The following IPO5 variants were observed in gnomAD, a reference collection of about 807,000 sequenced individuals.
IPO5 encodes importin 5.
Under a neutral mutation model 143.3 loss-of-function variants are expected in IPO5, and 18 were observed. That is an observed-to-expected ratio of 0.13 (90% CI 0.09 to 0.19). The LOEUF is 0.19. Among genes scored for constraint, IPO5 ranks in the 10% least tolerant of loss-of-function variants. The pLI is 1.00. For synonymous variants in IPO5, 477 were observed against 465.7 expected (o/e 1.02, Z -0.31); for missense variants, 1,013 against 1,336.9 (o/e 0.76, Z 3.78).
intron 2 of IPO5, among the ~76,000 whole-genome samples, chr13:97,955,484 G>T (rs989810116): frequency 1.3e-5 from 2 of 152,038 alleles, no homozygotes; most frequent in African/African-American, 4.8e-5. Context: ...GAAAATGAGC[G>T]GGGAAAACAC....
Position 98,021,054 on chromosome 13 carries a change from C to T in IPO5, c.3128C>T (p.Ala1043Val). 1.9e-6 allele frequency: 3 copies of T among 1,611,320 alleles called. No homozygotes were observed. Among genetic ancestry groups the T allele is most frequent in the Non-Finnish European group, 1.7e-6 (2 of 1,178,924 alleles). The change falls in exon 28 of 29, where the codon GCG becomes GTG. Residue 1043 changes from alanine (A) to valine (V), a missense_variant. Coordinates refer to ENST00000651721, the MANE Select transcript of IPO5 (RefSeq NM_002271.6). ...TNLPKIFSII[A>V]EGEMHEAIKH... is the part of the protein sequence containing the mutation. ...CTGCCCAAAATATTTAGTATAATTG[C>T]GGAAGGAGAAATGCACGAGGCAATT...
intron 4 of IPO5, chr13:97,981,373 G>T: frequency 2.4e-6 from 1 of 414,930 alleles, no homozygotes; most frequent in Non-Finnish European, 4.7e-6. Flanking sequence ...CCAGAGTTCT[G>T]TCTGCTATTC....
At chr13:97,953,924 C>T (rs1163878669) in intron 1 of IPO5, 195 bp from the exon 2 acceptor site, 1 of 456,062 alleles carries the variant, frequency 2.2e-6, no homozygotes, top group African/African-American at 2.0e-5. Flanking sequence ...TACACAAAAA[C>T]CAAGTATGAA....
At chr13:97,982,183 A>G (rs979671745) in intron 4 of IPO5, 1 of 249,666 alleles carries the variant, frequency 4.0e-6, no homozygotes, top group Non-Finnish European at 7.6e-6. Context: ...TTGCAGCACA[A>G]TGGCTTAAGT....
chr13:98,020,635 C>T (rs1292069161), intron 27 of IPO5, among the ~76,000 whole-genome samples: 2 of 152,128 alleles, frequency 1.3e-5, no homozygotes, highest in African/African-American at 4.8e-5. Flanking sequence ...CCAGTTTATT[C>T]TTGAAATGTT....
At chr13:97,997,075 A>G (rs1320258091) in intron 11 of IPO5, among the ~76,000 whole-genome samples, 5 of 152,254 alleles carry the variant, frequency 3.3e-5, no homozygotes, top group South Asian at 2.1e-4. Flanking sequence ...ATGGAATGCT[A>G]TTAAATAAAC....
At chr13:98,005,621 C>T (rs1889175481) in intron 16 of IPO5, among the ~76,000 whole-genome samples, 1 of 152,010 alleles carries the variant, frequency 6.6e-6, no homozygotes, top group Non-Finnish European at 1.5e-5. Context: ...AGAAAAAGGT[C>T]ATCTCATCTG....
Position 97,976,741 on chromosome 13 carries a change from G to A in IPO5, c.45G>A (p.Leu15=). 7.1e-7 allele frequency: 1 copy of A among 1,416,298 alleles called. No individual in the cohort carries two copies. 87.7% of individuals were successfully genotyped at this position (1,416,298 alleles called of 1,614,324 possible). The stretch of plus-strand genomic sequence containing the variant: ...AGCAGCAACAGTTCTACCTGCTCCT[G>A]GGAAACCTGCTCAGCCCCGACAATG... ...AAEQQQFYLL[L]GNLLSPDNVV... Residue 15 remains leucine, a synonymous_variant, in exon 4 of 29, where the codon CTG becomes CTA. Transcript: ENST00000651721.
intron 3 of IPO5, chr13:97,975,695 T>C (rs538880432): frequency 2.0e-5 from 3 of 152,526 alleles, no homozygotes; most frequent in African/African-American, 4.8e-5. Context: ...AGGGCTCCTT[T>C]AGGAAGAAAG....
At chr13:97,977,715 A>G (rs1163066129) in intron 4 of IPO5, among the ~76,000 whole-genome samples, 2 of 152,116 alleles carry the variant, frequency 1.3e-5, no homozygotes, top group African/African-American at 2.4e-5. Context: ...CTGATGTTAC[A>G]TTTTCAGCGT....
In IPO5 at chr13:97,989,074, A is replaced by G. The variant is rs1303724779; in HGVS notation, c.377A>G (p.Asn126Ser). 1.2e-6 allele frequency: 2 copies of G among 1,610,298 alleles called. No individual in the cohort carries two copies. Among genetic ancestry groups the G allele is most frequent in the Admixed American group, 1.7e-5 (1 of 59,972 alleles). ...LARNLIDEDG[N>S]NQWPEGLKFL... ...TCTTTACTTTCAGATGAGGATGGCA[A>G]TAACCAGTGGCCCGAAGGTTTGAAG... The change falls in exon 7 of 29, where the codon AAT becomes AGT. Residue 126 changes from asparagine (N) to serine (S), a missense_variant. Transcript: ENST00000651721.
At chr13:98,004,158 A>G (rs2139782000) in intron 16 of IPO5, among the ~76,000 whole-genome samples, 1 of 152,350 alleles carries the variant, frequency 6.6e-6, no homozygotes, top group African/African-American at 2.4e-5. Context: ...AAAATAAAAG[A>G]TAAACCTGCT....
At chr13:97,981,921 CGA>C (rs1886879412) in intron 4 of IPO5, 1 of 152,528 alleles carries the variant, frequency 6.6e-6, no homozygotes, top group Non-Finnish European at 1.5e-5. Flanking sequence ...CTACAAAAGA[CGA>C]TAAAGCCTCC....
chr13:98,013,217 A>G (rs1016697849), intron 21 of IPO5, among the ~76,000 whole-genome samples: 2 of 152,062 alleles, frequency 1.3e-5, no homozygotes, highest in African/African-American at 4.8e-5. Context: ...TACCATGCCC[A>G]GCTAATTTTT....
intron 22 of IPO5, 89 bp downstream of exon 22, chr13:98,014,303 G>A: frequency 6.4e-6 from 6 of 931,870 alleles, no homozygotes; most frequent in African/African-American, 1.7e-5. Context: ...TTTGAGACAG[G>A]GTATTGCTCT....
chr13:98,013,340 A>G (rs367959544), intron 21 of IPO5, among the ~76,000 whole-genome samples: 10 of 152,058 alleles, frequency 6.6e-5, no homozygotes, highest in African/African-American at 1.9e-4. Flanking sequence ...CTGCGTTCCA[A>G]TATCTTTCTC....
chr13:97,982,707 T>G, intron 5 of IPO5, 124 bp downstream of exon 5: 1 of 668,888 alleles, frequency 1.5e-6, no homozygotes, highest in South Asian at 2.0e-5. Flanking sequence ...AACTTTGTAC[T>G]TATTATTTGC....
intron 2 of IPO5, among the ~76,000 whole-genome samples, chr13:97,956,006 C>T (rs1000615588): frequency 4.6e-5 from 7 of 151,838 alleles, no homozygotes; most frequent in African/African-American, 7.3e-5. Context: ...GTGGCGGGCA[C>T]CTGTGGTCCC....
chr13:97,965,304 C>A (rs61970433), intron 2 of IPO5, among the ~76,000 whole-genome samples: 1 of 151,828 alleles, frequency 6.6e-6, no homozygotes, highest in African/African-American at 2.4e-5. Context: ...ACATGTATAC[C>A]TATGTAACAA....
Sources: allele counts gnomAD v4.1 joint callset (sites outside exome capture counted in the v4.1 genomes callset), GRCh38; gene constraint gnomAD v4.1.1; transcripts MANE v1.5; gene names NCBI Gene and HGNC (gene_info 2026-07-23, HGNC 2026-07-21).